MYT1L: variants seen among roughly 807,000 people sequenced by gnomAD.
The protein encoded by MYT1L is myelin transcription factor 1-like protein.
In MYT1L, 12 loss-of-function variants were observed where a neutral mutation model predicts 126.7. The observed-to-expected ratio is 0.09, with a 90% CI of 0.06 to 0.15. The LOEUF is 0.15. Ranked by LOEUF, MYT1L falls within the 10% of genes least tolerant of loss-of-function variation. The pLI, the probability that MYT1L is intolerant of heterozygous loss-of-function variation, is 1.00. For missense variants in MYT1L, 979 were observed against 1,585.2 expected (o/e 0.62, Z 6.49); for synonymous variants, 541 against 604.2 (o/e 0.90, Z 1.53).
Position 1,929,194 on chromosome 2 carries a change from C to A in MYT1L, c.506-5931G>T, listed in dbSNP as rs2054620406. On this transcript the variant is annotated intron_variant, in intron 9 of 24. Transcript: ENST00000647738. This position sits in a 1 kb window ranked among gnomAD's most constrained non-coding sequence, Gnocchi z 4.7. ...GAAGTCACTTTCCCAGCCCGGGTGG[C>A]CTTCAGTCGGGCACCTCTCCTAGGT... Among the ~76,000 whole-genome samples the A allele has an allele frequency of 6.6e-6, 1 of 152,162 alleles. No homozygotes were observed. Among genetic ancestry groups the A allele is most frequent in the Non-Finnish European group, 1.5e-5 (1 of 68,010 alleles).
rs200796999 is a variant in MYT1L at position 1,968,134 on chromosome 2, CT to C, written c.152+11030del. On this transcript the variant is annotated intron_variant, in intron 8 of 24. Coordinates refer to ENST00000647738, the MANE Select transcript of MYT1L (RefSeq NM_001303052.2). ...AGCCCCAGGGCCCGCAGCTGGGCCC[CT>C]CTAGCAGCACCACTCTCTGCTCTCA... Among the ~76,000 whole-genome samples, 745 of 152,314 alleles carry C rather than the reference CT, an allele frequency of 4.9e-3. 7 individuals are homozygous for C. The highest frequency in any genetic ancestry group is 0.017 in the African/African-American group (707 of 41,576).
At chr2:2,188,089 A>G (rs532250635) in intron 2 of MYT1L, among the ~76,000 whole-genome samples, 11 of 152,292 alleles carry the variant, frequency 7.2e-5, no homozygotes, top group African/African-American at 2.4e-4. Context: ...AAGCCTCTAC[A>G]GTAAAAATAA....
At chr2:1,960,055 T>C (rs375797094) in intron 8 of MYT1L, among the ~76,000 whole-genome samples, 5 of 152,322 alleles carry the variant, frequency 3.3e-5, no homozygotes, top group East Asian at 3.9e-4. Context: ...ATGAGCTGTA[T>C]TGTAAGATGG....
intron 4 of MYT1L, among the ~76,000 whole-genome samples, chr2:2,039,435 T>C (rs943758067): frequency 6.6e-6 from 1 of 152,146 alleles, no homozygotes; most frequent in Non-Finnish European, 1.5e-5. Context: ...GACCTTGATG[T>C]ATGTAGTCTA....
intron 3 of MYT1L, among the ~76,000 whole-genome samples, chr2:2,139,181 C>T (rs1027518332): frequency 1.3e-5 from 2 of 151,952 alleles, no homozygotes; most frequent in Non-Finnish European, 2.9e-5. Context: ...TCTCCTCCTC[C>T]CATACACGTC....
intron 4 of MYT1L, among the ~76,000 whole-genome samples, chr2:2,028,669 C>T (rs1319727504): frequency 6.6e-6 from 1 of 152,132 alleles, no homozygotes; most frequent in Non-Finnish European, 1.5e-5. Context: ...AAAGATCAGA[C>T]TTAGTATTGG....
At chr2:2,319,567 A>T (rs60138520) in intron 1 of MYT1L, among the ~76,000 whole-genome samples, 7,130 of 152,214 alleles carry the variant, frequency 0.047, 284 homozygotes, top group African/African-American at 0.11. Flanking sequence ...TGGTGATACA[A>T]TGCCATGCTG....
intron 4 of MYT1L, among the ~76,000 whole-genome samples, chr2:1,998,993 G>A (rs1348786114): frequency 6.6e-6 from 1 of 152,150 alleles, no homozygotes; most frequent in Non-Finnish European, 1.5e-5. Flanking sequence ...CAAGCAACAA[G>A]CAAAATCTTC....
intron 18 of MYT1L, among the ~76,000 whole-genome samples, chr2:1,870,698 T>A (rs1437767970): frequency 6.6e-6 from 1 of 152,228 alleles, no homozygotes; most frequent in Non-Finnish European, 1.5e-5. Flanking sequence ...GTTTTCTCTT[T>A]ATGTGATTTG....
chr2:1,879,594 A>G (rs1187180841), intron 18 of MYT1L, among the ~76,000 whole-genome samples: 2 of 152,214 alleles, frequency 1.3e-5, no homozygotes, highest in Non-Finnish European at 2.9e-5. Context: ...TGAAACCTAG[A>G]CCAAAAAATA....
intron 4 of MYT1L, among the ~76,000 whole-genome samples, chr2:2,004,517 T>C (rs1369973239): frequency 6.8e-6 from 1 of 147,920 alleles, no homozygotes; most frequent in African/African-American, 2.5e-5. Context: ...CTGCAGGCAT[T>C]ATTTCCTGCA....
At chr2:1,920,417 C>T (rs2053422955) in intron 10 of MYT1L, among the ~76,000 whole-genome samples, 1 of 152,216 alleles carries the variant, frequency 6.6e-6, no homozygotes, top group African/African-American at 2.4e-5. Context: ...AAAGCTCAAT[C>T]TGCCTTCTCT....
At chr2:1,909,306 T>C (rs1461834127) in intron 13 of MYT1L, among the ~76,000 whole-genome samples, 2 of 152,184 alleles carry the variant, frequency 1.3e-5, no homozygotes, top group African/African-American at 2.4e-5. Flanking sequence ...ATGTGTATTA[T>C]TGCCCTCTCT....
intron 2 of MYT1L, among the ~76,000 whole-genome samples, chr2:2,237,155 C>G (rs2094341316): frequency 6.6e-6 from 1 of 152,114 alleles, no homozygotes; most frequent in Admixed American, 6.5e-5. Context: ...TTTTGAAGGA[C>G]ATGCTCATAC....
chr2:1,979,759 C>G lies in MYT1L; in HGVS notation c.19G>C (p.Glu7Gln). Reference sequence around the variant, plus strand: ...TTGGACCGCGTGCGATGCCGCTTCTCCTCGGTGTCCACCTCCATCTGGGGA... The same window carrying G: ...TTGGACCGCGTGCGATGCCGCTTCTGCTCGGTGTCCACCTCCATCTGGGGA... MEVDTE[E>Q]KRHRTRSKGV... The change falls in exon 6 of 25, where the codon GAG becomes CAG. Residue 7 changes from glutamate to glutamine, a missense_variant. Glu to Gln is a conservative substitution (Grantham distance 29). Around this residue, in one of 12 missense-constraint regions of MYT1L, gnomAD observed 50 missense variants for 48.6 expected, o/e 1.03. Coordinates refer to ENST00000647738, the MANE Select transcript of MYT1L (RefSeq NM_001303052.2). This position sits in a 1 kb window ranked among gnomAD's most constrained non-coding sequence, Gnocchi z 4.0. The G allele has an allele frequency of 6.2e-7, 1 of 1,614,018 alleles. No homozygotes were observed. The highest frequency in any genetic ancestry group is 8.5e-7 in the Non-Finnish European group (1 of 1,179,908).
intron 3 of MYT1L, among the ~76,000 whole-genome samples, chr2:2,057,812 A>C (rs1402161434): frequency 6.6e-6 from 1 of 152,162 alleles, no homozygotes; most frequent in Admixed American, 6.5e-5. Context: ...ATTCCATGGC[A>C]TGGCTGTACA....
At chr2:2,260,657 AT>A (rs112698274) in intron 2 of MYT1L, among the ~76,000 whole-genome samples, 9,176 of 149,428 alleles carry the variant, frequency 0.061, 342 homozygotes, top group South Asian at 0.18. Flanking sequence ...CTGGTGAATT[AT>A]TTTTTTTTTG....
At chr2:2,074,855 G>A (rs1287263694) in intron 3 of MYT1L, among the ~76,000 whole-genome samples, 3 of 152,164 alleles carry the variant, frequency 2.0e-5, no homozygotes, top group African/African-American at 7.2e-5. Flanking sequence ...CCTGAGCCCT[G>A]AAACGATCTA....
chr2:2,113,408 C>T (rs562907939), intron 3 of MYT1L, among the ~76,000 whole-genome samples: 4 of 152,302 alleles, frequency 2.6e-5, no homozygotes, highest in South Asian at 4.1e-4. Flanking sequence ...GCACGCGCTC[C>T]GTCCAACAGC....
Sources: allele counts gnomAD v4.1 joint callset (sites outside exome capture counted in the v4.1 genomes callset), GRCh38; gene constraint gnomAD v4.1.1; regional missense constraint gnomAD v4.1.1; non-coding constraint Gnocchi (gnomAD v3.1); transcripts MANE v1.5; gene names NCBI Gene and HGNC (gene_info 2026-07-23, HGNC 2026-07-21).